TNRC6A: variants seen among roughly 807,000 people sequenced by gnomAD.
The protein encoded by TNRC6A is trinucleotide repeat containing adaptor 6A.
Under a neutral mutation model 221.2 loss-of-function variants are expected in TNRC6A, and 44 were observed. That is an observed-to-expected ratio of 0.20 (90% CI 0.16 to 0.26). The LOEUF (loss-of-function observed/expected upper bound fraction) is 0.26, where lower values mean the gene tolerates loss of function less well. TNRC6A is among the 10% of genes least tolerant of loss of function. TNRC6A has a pLI of 1.00. For missense variants in TNRC6A, 2,199 were observed against 2,404.4 expected (o/e 0.91, Z 1.79); for synonymous variants, 847 against 838.5 (o/e 1.01, Z -0.18).
rs138150358 is a variant in TNRC6A, at chr16:24,805,116, C to T, written c.4087C>T (p.Arg1363Cys). ...QPLSSSQPNL[R>C]AQVPPPLLSP... is the part of the protein sequence containing the mutation. ...TCTTAGTTCATCTCAGCCTAATCTC[C>T]GTGCTCAAGTGCCTCCTCCATTACT... Residue 1363 changes from arginine (R) to cysteine (C), a missense_variant, in exon 14 of 25, where the codon CGT (arginine) becomes TGT (cysteine). Physicochemically the swap from Arg to Cys is radical, Grantham distance 180. Transcript: ENST00000395799. 75 of 1,614,080 alleles carry T rather than the reference C, an allele frequency of 4.6e-5. No homozygotes were observed. The highest frequency in any genetic ancestry group is 1.9e-4 in the South Asian group (17 of 91,090).
At chr16:24,641,382 A>G (rs1407160608) in intron 2 of TNRC6A, among the ~76,000 whole-genome samples, 1 of 152,154 alleles carries the variant, frequency 6.6e-6, no homozygotes, top group African/African-American at 2.4e-5. Flanking sequence ...GGGAGGATGG[A>G]GAAGAAGGGA....
intron 1 of TNRC6A, among the ~76,000 whole-genome samples, chr16:24,638,136 G>A (rs936025661): frequency 2.6e-5 from 4 of 152,150 alleles, no homozygotes; most frequent in East Asian, 1.9e-4. Context: ...TCAGTATAGC[G>A]GCCAGGCGCA....
rs746197806 is a variant in TNRC6A, at chr16:24,777,065, A to G, written c.296A>G (p.Gln99Arg). The G allele has an allele frequency of 6.2e-7, 1 of 1,607,522 alleles. No homozygotes were observed. Among genetic ancestry groups the G allele is most frequent in the Non-Finnish European group, 8.5e-7 (1 of 1,175,352 alleles). Residue 99 changes from glutamine (Q) to arginine (R), a missense_variant, in exon 5 of 25, where the codon CAG becomes CGG. Gln to Arg is a conservative substitution (Grantham distance 43, BLOSUM62 1). Transcript: ENST00000395799. ...AACAATCAGCAGCCACAGCAGCAGC[A>G]GCAACAGCAGCAGCCGCAGCAGCAG... ...TANNQQPQQQ[Q>R]QQQQPQQQQP...
chr16:24,689,170 G>A (rs1193311639), intron 2 of TNRC6A, among the ~76,000 whole-genome samples: 2 of 152,182 alleles, frequency 1.3e-5, no homozygotes, highest in African/African-American at 2.4e-5. Flanking sequence ...TGATATAAAC[G>A]TGGGAATCTG....
chr16:24,679,363 G>A (rs1178242641), intron 2 of TNRC6A, among the ~76,000 whole-genome samples: 2 of 151,832 alleles, frequency 1.3e-5, no homozygotes, highest in Non-Finnish European at 2.9e-5. Context: ...GAATGTAGTG[G>A]CACAATCTTG....
At chr16:24,671,212 TA>T (rs1236478477) in intron 2 of TNRC6A, 7 of 170,714 alleles carry the variant, frequency 4.1e-5, no homozygotes, top group South Asian at 2.2e-4. Flanking sequence ...ATTGTGATTC[TA>T]AAAAAAAGAG....
chr16:24,751,742 T>C (rs902504207), intron 3 of TNRC6A, among the ~76,000 whole-genome samples: 1 of 152,194 alleles, frequency 6.6e-6, no homozygotes, highest in African/African-American at 2.4e-5. Flanking sequence ...ATGTAGACTA[T>C]AGCAAGATAC....
At position 24,678,357 on chromosome 16, in the gene TNRC6A, G is replaced by A. The variant is rs73564700; in HGVS notation, n.402+37348G>A. On this transcript the variant is annotated intron_variant and non_coding_transcript_variant, in intron 2 of 2. Transcript: ENST00000566108. ...GCTATGGCAAAAGTGATGGAATGCCGCTTCCAGTATTAGGTGATAAAAAGC... is the reference window on the plus strand; with the variant it reads ...GCTATGGCAAAAGTGATGGAATGCCACTTCCAGTATTAGGTGATAAAAAGC... 1.6e-3 allele frequency among the ~76,000 whole-genome samples: 246 copies of A among 151,060 alleles called. 1 individual carries two copies. Among genetic ancestry groups the A allele is most frequent in the African/African-American group, 5.7e-3 (233 of 41,096 alleles).
At chr16:24,749,561 T>C (rs1307610158) in intron 2 of TNRC6A, among the ~76,000 whole-genome samples, 2 of 152,212 alleles carry the variant, frequency 1.3e-5, no homozygotes, top group East Asian at 3.9e-4. Flanking sequence ...GCTCTCTTGC[T>C]CTGGTCTTCT....
At chr16:24,805,332 C>G (rs1417108096) in intron 14 of TNRC6A, 181 bp downstream of exon 14, 13 of 1,024,060 alleles carry the variant, frequency 1.3e-5, no homozygotes, top group South Asian at 1.8e-5. Context: ...TAATTTAAAT[C>G]CAAAATTTAC....
chr16:24,626,853 C>T lies in TNRC6A; in HGVS notation n.277-14031C>T, dbSNP rs1020213836. 2.6e-5 allele frequency among the ~76,000 whole-genome samples: 4 copies of T among 151,480 alleles called. No individual in the cohort carries two copies. In the East Asian group the frequency reaches 5.8e-4, roughly 22 times the overall value. ...TTTTTAGTAGAGAGGGGGGTTTCAC[C>T]ATGTTAGCCAGGAAGGTCTCGATCT... is the stretch of plus-strand genomic sequence containing the variant. On this transcript the variant is annotated intron_variant and non_coding_transcript_variant, in intron 1 of 2. Transcript: ENST00000566108.
chr16:24,767,709 T>C (rs1207265647), intron 4 of TNRC6A, among the ~76,000 whole-genome samples: 2 of 152,216 alleles, frequency 1.3e-5, no homozygotes, highest in African/African-American at 4.8e-5. Context: ...TTTGGGACTT[T>C]TTTCCTAATT....
chr16:24,753,295 A>T (rs1214434688), intron 3 of TNRC6A, among the ~76,000 whole-genome samples: 2 of 152,202 alleles, frequency 1.3e-5, no homozygotes, highest in African/African-American at 4.8e-5. Flanking sequence ...AAGCTTAGGG[A>T]TATAAGAAGT....
chr16:24,710,884 T>TC (rs1260440691), intron 2 of TNRC6A, among the ~76,000 whole-genome samples: 3 of 150,972 alleles, frequency 2.0e-5, no homozygotes, highest in Admixed American at 2.0e-4. Flanking sequence ...GGCTAATTTT[T>TC]TTTTTTTTTT....
chr16:24,655,621 G>A (rs560520011), intron 2 of TNRC6A, among the ~76,000 whole-genome samples: 62 of 151,696 alleles, frequency 4.1e-4, no homozygotes, highest in South Asian at 1.9e-3. Context: ...CCTGGGAGGC[G>A]GAGGTTGCGG....
At chr16:24,819,717 G>GT in intron 21 of TNRC6A, 1 of 204,084 alleles carries the variant, frequency 4.9e-6, no homozygotes, top group South Asian at 8.4e-5. Context: ...TCCTTTGGCA[G>GT]CTCCTGAGTT....
chr16:24,810,616 A>G (rs1270066574), intron 18 of TNRC6A, among the ~76,000 whole-genome samples: 4 of 152,332 alleles, frequency 2.6e-5, no homozygotes, highest in African/African-American at 9.6e-5. Context: ...CCAAGAAAGA[A>G]TAGTGCATGC....
rs530037901 is a variant in TNRC6A, at chr16:24,656,822, A to G, written n.402+15813A>G. On this transcript the variant is annotated intron_variant and non_coding_transcript_variant, in intron 2 of 2. Coordinates refer to the TNRC6A transcript ENST00000566108. Reference sequence around the variant, plus strand: ...CCCTGTAATCAGAGGCAAAATTGTTATGTTAAGTGTTTCTATTAAGAAAGA... The same window carrying G: ...CCCTGTAATCAGAGGCAAAATTGTTGTGTTAAGTGTTTCTATTAAGAAAGA... Among the ~76,000 whole-genome samples the G allele has an allele frequency of 3.3e-5, 5 of 152,308 alleles. No individual in the cohort carries two copies. The South Asian group carries it at 8.3e-4, about 25-fold the overall frequency.
chr16:24,672,576 G>A (rs973191353), intron 2 of TNRC6A, among the ~76,000 whole-genome samples: 4 of 152,022 alleles, frequency 2.6e-5, no homozygotes, highest in African/African-American at 9.7e-5. Context: ...TGAGTAGCTG[G>A]GACTACAAGC....
Sources: allele counts gnomAD v4.1 joint callset (sites outside exome capture counted in the v4.1 genomes callset), GRCh38; gene constraint gnomAD v4.1.1; transcripts MANE v1.5; gene names NCBI Gene and HGNC (gene_info 2026-07-23, HGNC 2026-07-21).